The following SIRT5 variants were observed in gnomAD, a reference collection of about 807,000 sequenced individuals.
The protein encoded by SIRT5 is sirtuin 5, also known as NAD-dependent protein deacylase sirtuin-5, mitochondrial.
In SIRT5, 26 loss-of-function variants were observed where a neutral mutation model predicts 40.0. The observed-to-expected ratio is 0.65, with a 90% CI of 0.48 to 0.90. SIRT5 has a LOEUF of 0.90. Among genes scored for constraint, SIRT5 ranks in the 40% least tolerant of loss-of-function variants. The probability of loss-of-function intolerance (pLI) is 0.00; values close to 1 mark genes in which losing one functional copy is unlikely to be tolerated. For synonymous variants in SIRT5, 146 were observed against 149.1 expected (o/e 0.98, Z 0.15); for missense variants, 401 against 402.4 (o/e 1.00, Z 0.03).
intron 9 of SIRT5, among the ~76,000 whole-genome samples, chr6:13,601,277 C>T (rs894412853): frequency 2.0e-5 from 3 of 152,162 alleles, no homozygotes; most frequent in Admixed American, 2.0e-4. Flanking sequence ...CCAAATGCTC[C>T]GCAAGTAAGC....
chr6:13,604,460 TGTG>T, intron 9 of SIRT5: 2 of 1,458,386 alleles, frequency 1.4e-6, no homozygotes, highest in Non-Finnish European at 1.9e-6. Flanking sequence ...GTTCTTCTAA[TGTG>T]GTTTCTTTTC....
chr6:13,578,787 C>T (rs1008130703), intron 1 of SIRT5, among the ~76,000 whole-genome samples: 8 of 151,610 alleles, frequency 5.3e-5, no homozygotes, highest in Non-Finnish European at 1.2e-4. Context: ...GTAGGGTGCC[C>T]CCCTTTTTCA....
intron 1 of SIRT5, among the ~76,000 whole-genome samples, chr6:13,576,165 A>G (rs1000213658): frequency 1.3e-5 from 2 of 152,192 alleles, no homozygotes; most frequent in Admixed American, 1.3e-4. Flanking sequence ...CTTTGTATAT[A>G]TACCCAGAAG....
chr6:13,576,370 AGT>A (rs1258118116), intron 1 of SIRT5, among the ~76,000 whole-genome samples: 4 of 152,180 alleles, frequency 2.6e-5, no homozygotes, highest in Non-Finnish European at 5.9e-5. Context: ...GTGGTAGCTC[AGT>A]GTGATTTAAT....
intron 9 of SIRT5, among the ~76,000 whole-genome samples, chr6:13,603,032 C>G (rs568418033): frequency 7.2e-5 from 11 of 152,216 alleles, no homozygotes; most frequent in African/African-American, 2.6e-4. Flanking sequence ...AATCCCAGCA[C>G]TTTGGGAGGC....
intron 4 of SIRT5, among the ~76,000 whole-genome samples, chr6:13,588,793 C>G (rs548367717): frequency 6.6e-6 from 1 of 152,292 alleles, no homozygotes; most frequent in East Asian, 1.9e-4. Context: ...TCAAGTATGA[C>G]ACATAAAGTT....
At chr6:13,595,691 G>A (rs1761479062) in intron 6 of SIRT5, 127 bp downstream of exon 6, 2 of 796,276 alleles carry the variant, frequency 2.5e-6, no homozygotes, top group Non-Finnish European at 4.1e-6. Flanking sequence ...CTAAATACAA[G>A]GCTGGGTGCA....
At chr6:13,609,763 G>A (rs1434578223) in intron 9 of SIRT5, among the ~76,000 whole-genome samples, 2 of 152,196 alleles carry the variant, frequency 1.3e-5, no homozygotes, top group Non-Finnish European at 2.9e-5. Flanking sequence ...TTTGCAGCTT[G>A]TCCTAGGGGA....
chr6:13,606,476 C>T (rs771043303), intron 9 of SIRT5, among the ~76,000 whole-genome samples: 7 of 151,938 alleles, frequency 4.6e-5, no homozygotes, highest in South Asian at 2.1e-4. Context: ...GATAGTTGAC[C>T]GTGTGTGTTA....
At chr6:13,596,813 C>T (rs1434478808) in intron 6 of SIRT5, 150 bp from the exon 7 acceptor site, 2 of 622,974 alleles carry the variant, frequency 3.2e-6, no homozygotes, top group Admixed American at 6.3e-5. Flanking sequence ...GCTTGGGGTC[C>T]TTCCTTCTAA....
intron 9 of SIRT5, among the ~76,000 whole-genome samples, chr6:13,608,779 T>C (rs756556757): frequency 6.6e-6 from 1 of 152,044 alleles, no homozygotes; most frequent in Non-Finnish European, 1.5e-5. Context: ...AAAATACATA[T>C]AAATGTAGAT....
chr6:13,591,537 G>C, intron 4 of SIRT5, 132 bp from the exon 5 acceptor site: 1 of 708,276 alleles, frequency 1.4e-6, no homozygotes, highest in Non-Finnish European at 2.3e-6. Context: ...TTTGAACATA[G>C]TGCTGCCATC....
chr6:13,604,498 C>G, intron 9 of SIRT5: 1 of 1,575,094 alleles, frequency 6.3e-7, no homozygotes, highest in South Asian at 1.1e-5. Context: ...CATCTCATCT[C>G]TAATTATTAT....
chr6:13,585,770 G>C (rs1173689069), intron 3 of SIRT5, among the ~76,000 whole-genome samples: 2 of 152,166 alleles, frequency 1.3e-5, no homozygotes, highest in African/African-American at 4.8e-5. Context: ...TAATGGGATG[G>C]CTGGGTGAAA....
At position 13,595,507 on chromosome 6, in the gene SIRT5, G is replaced by T; in HGVS notation, c.506G>T (p.Cys169Phe). 1 of 1,614,124 alleles carries T rather than the reference G, an allele frequency of 6.2e-7. No individual in the cohort carries two copies. Among genetic ancestry groups the T allele is most frequent in the Non-Finnish European group, 8.5e-7 (1 of 1,179,986 alleles). ...TTATTTAAAACTCGATGTACCTCTTGTGGAGTTGTGGCTGAGAATTACAAG... is the reference window on the plus strand; with the variant it reads ...TTATTTAAAACTCGATGTACCTCTTTTGGAGTTGTGGCTGAGAATTACAAG... ...GSLFKTRCTSCGVVAENYKSP... is the reference protein window; with the variant it reads ...GSLFKTRCTSFGVVAENYKSP... Residue 169 changes from cysteine (C) to phenylalanine (F), a missense_variant, in exon 6 of 10, where the codon TGT (cysteine) becomes TTT (phenylalanine). Physicochemically the swap from Cys to Phe is radical, Grantham distance 205. Coordinates refer to ENST00000606117, the MANE Select transcript of SIRT5 (RefSeq NM_012241.5).
chr6:13,580,565 T>A (rs186502813), intron 2 of SIRT5, among the ~76,000 whole-genome samples: 1 of 152,158 alleles, frequency 6.6e-6, no homozygotes, highest in Non-Finnish European at 1.5e-5. Context: ...GTATCTGGCT[T>A]CTTTCACTTA....
intron 3 of SIRT5, chr6:13,584,869 T>C (rs1039788507): frequency 3.9e-5 from 6 of 152,282 alleles, no homozygotes; most frequent in Admixed American, 6.5e-5. Context: ...TGGACAGAAA[T>C]ACTTTGCAGC....
intron 9 of SIRT5, among the ~76,000 whole-genome samples, chr6:13,610,917 T>C (rs935158536): frequency 9.9e-5 from 15 of 152,180 alleles, no homozygotes; most frequent in Non-Finnish European, 1.6e-4. Context: ...CCTTTTCTAT[T>C]TTTAATTGTG....
intron 1 of SIRT5, among the ~76,000 whole-genome samples, chr6:13,578,542 G>T (rs1008451744): frequency 3.3e-5 from 5 of 151,012 alleles, no homozygotes; most frequent in African/African-American, 1.2e-4. Flanking sequence ...GCATGAACCC[G>T]GGAGGTGGAG....
Sources: allele counts gnomAD v4.1 joint callset (sites outside exome capture counted in the v4.1 genomes callset), GRCh38; gene constraint gnomAD v4.1.1; transcripts MANE v1.5; gene names NCBI Gene and HGNC (gene_info 2026-07-23, HGNC 2026-07-21).